The following CSMD3 variants were observed in gnomAD, a reference collection of about 807,000 sequenced individuals.
CSMD3 encodes the protein CUB and Sushi multiple domains 3, also known as CUB and sushi domain-containing protein 3.
CSMD3 carries 177 observed loss-of-function variants against 435.2 expected under a neutral mutation model. The ratio of observed to expected loss-of-function variants is 0.41; its 90% CI spans 0.36 to 0.46. CSMD3 has a LOEUF of 0.46. Among genes scored for constraint, CSMD3 ranks in the 20% least tolerant of loss-of-function variants. The pLI, the probability that CSMD3 is intolerant of heterozygous loss-of-function variation, is 0.34. For missense variants in CSMD3, 4,265 were observed against 4,504.6 expected, an observed-to-expected ratio of 0.95 and a Z score of 1.52; for synonymous variants, 1,656 against 1,520.5, an observed-to-expected ratio of 1.09 and a Z score of -2.07.
chr8:112,298,091 TAAG>T (rs1820516675), intron 53 of CSMD3, among the ~76,000 whole-genome samples: 1 of 57,534 alleles, frequency 1.7e-5, no homozygotes. Flanking sequence ...AAAAAAAAAA[TAAG>T]TAAAGACCCA....
chr8:112,864,046 T>A (rs561484888), intron 10 of CSMD3, among the ~76,000 whole-genome samples: 6 of 152,122 alleles, frequency 3.9e-5, no homozygotes, highest in South Asian at 2.1e-4. Context: ...ATAAAAAAAA[T>A]TTGAAGAGTT....
At chr8:112,540,717 G>A (rs1826585932) in intron 27 of CSMD3, among the ~76,000 whole-genome samples, 1 of 151,766 alleles carries the variant, frequency 6.6e-6, no homozygotes, top group Admixed American at 6.6e-5. Context: ...TATATATGGG[G>A]GCTAACAAAA....
intron 5 of CSMD3, among the ~76,000 whole-genome samples, chr8:113,071,226 T>C (rs1301414056): frequency 6.6e-6 from 1 of 152,016 alleles, no homozygotes; most frequent in Non-Finnish European, 1.5e-5. Flanking sequence ...ATATTTTGGA[T>C]AGTAACCCTT....
At chr8:112,370,558 G>A (rs1828292284) in intron 38 of CSMD3, among the ~76,000 whole-genome samples, 1 of 151,970 alleles carries the variant, frequency 6.6e-6, no homozygotes, top group Admixed American at 6.6e-5. Context: ...TCTGTTTCGT[G>A]GTATTGGCTC....
chr8:113,068,050 ATG>A (rs2088938470), intron 5 of CSMD3, among the ~76,000 whole-genome samples: 1 of 152,156 alleles, frequency 6.6e-6, no homozygotes, highest in Non-Finnish European at 1.5e-5. Context: ...AGGTGTTCCA[ATG>A]TTTTAAAACA....
chr8:112,836,047 A>T (rs2080014285), intron 11 of CSMD3, among the ~76,000 whole-genome samples: 1 of 151,842 alleles, frequency 6.6e-6, no homozygotes, highest in Non-Finnish European at 1.5e-5. Flanking sequence ...GATTTGGGAT[A>T]GCCTATGTTT....
At chr8:112,740,105 C>G (rs1405066880) in intron 13 of CSMD3, among the ~76,000 whole-genome samples, 1 of 151,620 alleles carries the variant, frequency 6.6e-6, no homozygotes, top group Non-Finnish European at 1.5e-5. Context: ...TATCTGTATA[C>G]AAATATTTTG....
At chr8:112,814,515 G>A (rs186156289) in intron 12 of CSMD3, among the ~76,000 whole-genome samples, 7 of 152,260 alleles carry the variant, frequency 4.6e-5, no homozygotes, top group African/African-American at 1.7e-4. Flanking sequence ...GGGTGCAGTG[G>A]CTCATGCCTG....
At chr8:112,693,808 T>C (rs2076191817) in intron 13 of CSMD3, among the ~76,000 whole-genome samples, 1 of 151,852 alleles carries the variant, frequency 6.6e-6, no homozygotes. Flanking sequence ...AGCCCTCATG[T>C]TGCGCAAACT....
chr8:113,264,007 T>C (rs1010920339), intron 3 of CSMD3, among the ~76,000 whole-genome samples: 18 of 151,650 alleles, frequency 1.2e-4, no homozygotes, highest in Admixed American at 9.9e-4. Flanking sequence ...CATTTTACTT[T>C]ATTTTTTCTG....
At chr8:112,958,607 T>C (rs1247123146) in intron 7 of CSMD3, among the ~76,000 whole-genome samples, 3 of 152,222 alleles carry the variant, frequency 2.0e-5, no homozygotes, top group Non-Finnish European at 2.9e-5. Context: ...AGATATTGAT[T>C]GACTCTTACT....
intron 32 of CSMD3, among the ~76,000 whole-genome samples, chr8:112,465,719 A>G (rs1817885149): frequency 1.3e-5 from 2 of 152,162 alleles, no homozygotes; most frequent in South Asian, 4.1e-4. Flanking sequence ...TCACACATGT[A>G]ATCCCAGCAT....
chr8:112,999,219 T>A lies in CSMD3; in HGVS notation c.1030+19848A>T, dbSNP rs1294095556. Among the ~76,000 whole-genome samples the A allele has an allele frequency of 2.6e-5, 4 of 151,870 alleles. No homozygotes were observed. The Admixed American group carries it at 2.6e-4, about 10-fold the overall frequency. On this transcript the variant is annotated intron_variant, in intron 6 of 70. Transcript: ENST00000297405. ...AAAAAAAATAATGCAAGGGATGGAA[T>A]TTTTTAACATCAGAAAACAGATGCA...
intron 5 of CSMD3, among the ~76,000 whole-genome samples, chr8:113,047,405 T>C (rs1242949218): frequency 1.3e-5 from 2 of 152,222 alleles, no homozygotes; most frequent in Non-Finnish European, 2.9e-5. Context: ...TTTGTTTTTA[T>C]GGAAGTCCAA....
intron 32 of CSMD3, among the ~76,000 whole-genome samples, chr8:112,452,540 A>G (rs1481755043): frequency 6.6e-6 from 1 of 152,198 alleles, no homozygotes. Flanking sequence ...ATGACTATTT[A>G]ATCTAAGAGA....
chr8:113,210,022 G>GTGTGTA (rs978750855), intron 3 of CSMD3, among the ~76,000 whole-genome samples: 1 of 148,686 alleles, frequency 6.7e-6, no homozygotes, highest in African/African-American at 2.4e-5. Flanking sequence ...GTGTGTGTGT[G>GTGTGTA]TGTGTGTGTG....
chr8:113,395,294 C>T (rs1381272273), intron 1 of CSMD3, among the ~76,000 whole-genome samples: 2 of 151,968 alleles, frequency 1.3e-5, no homozygotes, highest in Non-Finnish European at 2.9e-5. Context: ...GTTTGACTGC[C>T]TAATCTCAAA....
chr8:112,709,881 C>T (rs2076575108), intron 13 of CSMD3, among the ~76,000 whole-genome samples: 1 of 131,786 alleles, frequency 7.6e-6, no homozygotes, highest in African/African-American at 3.3e-5. Flanking sequence ...TCCTTTTCAC[C>T]TCCCTTTATC....
At chr8:113,124,999 C>T (rs2091086155) in intron 4 of CSMD3, among the ~76,000 whole-genome samples, 1 of 151,982 alleles carries the variant, frequency 6.6e-6, no homozygotes, top group Non-Finnish European at 1.5e-5. Flanking sequence ...ATAAATATGA[C>T]ACCCAAAGCT....
Sources: allele counts gnomAD v4.1 joint callset (sites outside exome capture counted in the v4.1 genomes callset), GRCh38; gene constraint gnomAD v4.1.1; transcripts MANE v1.5; gene names NCBI Gene and HGNC (gene_info 2026-07-23, HGNC 2026-07-21).